The following PARD3B variants were observed in gnomAD, a reference collection of about 807,000 sequenced individuals.
The protein encoded by PARD3B is par-3 family cell polarity regulator beta.
Under a neutral mutation model 130.2 loss-of-function variants are expected in PARD3B, and 103 were observed. That is an observed-to-expected ratio of 0.79 (90% confidence interval 0.67 to 0.93). The LOEUF is 0.93. Among genes scored for constraint, PARD3B ranks in the 40% least tolerant of loss-of-function variants. The pLI is 0.00. For synonymous variants in PARD3B, 583 were observed against 553.2 expected (o/e 1.05, Z -0.76); for missense variants, 1,609 against 1,499.2 (o/e 1.07, Z -1.21).
At chr2:204,854,176 T>C (rs1298332384) in intron 2 of PARD3B, among the ~76,000 whole-genome samples, 2 of 151,676 alleles carry the variant, frequency 1.3e-5, no homozygotes, top group African/African-American at 4.8e-5. Flanking sequence ...GAGGGGTAGG[T>C]GGAAAGGAAC....
intron 4 of PARD3B, among the ~76,000 whole-genome samples, chr2:205,069,985 C>A (rs894950957): frequency 6.6e-6 from 1 of 152,130 alleles, no homozygotes; most frequent in African/African-American, 2.4e-5. Flanking sequence ...TCCTGTGATA[C>A]CCCACCCTTG....
At chr2:205,272,537 T>TA (rs911822196) in intron 16 of PARD3B, among the ~76,000 whole-genome samples, 2 of 152,136 alleles carry the variant, frequency 1.3e-5, no homozygotes, top group African/African-American at 2.4e-5. Flanking sequence ...GTGGCTTAAC[T>TA]AAAAAAAGGG....
chr2:205,525,560 G>A lies in PARD3B; in HGVS notation c.3180+25529G>A, dbSNP rs945667406. 2.6e-5 allele frequency among the ~76,000 whole-genome samples: 4 copies of A among 152,134 alleles called. No individual in the cohort carries two copies. The highest frequency in any genetic ancestry group is 5.9e-5 in the Non-Finnish European group (4 of 68,036). ...CAAAGTTCCTGCTATAAACATAGGGGTATTGGTTGCATGACTTTATTAGCT... is the reference window on the plus strand; with the variant it reads ...CAAAGTTCCTGCTATAAACATAGGGATATTGGTTGCATGACTTTATTAGCT... On this transcript the variant is annotated intron_variant, in intron 21 of 22. Transcript: ENST00000406610. This position sits in a 1 kb window ranked among gnomAD's most constrained non-coding sequence, Gnocchi z 4.2.
At chr2:204,982,458 A>G (rs1692757951) in intron 3 of PARD3B, among the ~76,000 whole-genome samples, 1 of 152,188 alleles carries the variant, frequency 6.6e-6, no homozygotes, top group East Asian at 1.9e-4. Context: ...CAAGTTAAGC[A>G]CACAAGTACA....
rs899414633 is a variant in PARD3B at position 205,231,998 on chromosome 2, T to C, written c.2141-13780T>C. On this transcript the variant is annotated intron_variant, in intron 15 of 22. Transcript: ENST00000406610. ...ATTGGAGAAAATATCTCATAATCCG[T>C]AGGACATTGGATAAGGTATGCAAGA... 4.6e-5 allele frequency among the ~76,000 whole-genome samples: 7 copies of C among 152,316 alleles called. No homozygotes were observed. In the South Asian group the frequency reaches 8.3e-4, roughly 18 times the overall value.
At chr2:205,234,061 G>A (rs748879364) in intron 15 of PARD3B, among the ~76,000 whole-genome samples, 1 of 152,102 alleles carries the variant, frequency 6.6e-6, no homozygotes, top group South Asian at 2.1e-4. Flanking sequence ...AGAACAGATA[G>A]GACAACAGCA....
intron 21 of PARD3B, among the ~76,000 whole-genome samples, chr2:205,521,598 C>G (rs2051062690): frequency 6.6e-6 from 1 of 151,916 alleles, no homozygotes. Flanking sequence ...TGAATAGACT[C>G]TAATGTTGAA....
At chr2:205,224,328 A>G (rs1392011447) in intron 15 of PARD3B, among the ~76,000 whole-genome samples, 1 of 128,310 alleles carries the variant, frequency 7.8e-6, no homozygotes, top group African/African-American at 3.0e-5. Context: ...CGGAGACAGC[A>G]CCACTGCACT....
intron 6 of PARD3B, among the ~76,000 whole-genome samples, chr2:205,118,176 T>A (rs1177997357): frequency 6.6e-6 from 1 of 152,186 alleles, no homozygotes; most frequent in Non-Finnish European, 1.5e-5. Context: ...TCCATCAGAT[T>A]AAGTTCATTG....
intron 2 of PARD3B, among the ~76,000 whole-genome samples, chr2:204,802,057 A>G (rs1163516843): frequency 6.6e-6 from 1 of 152,200 alleles, no homozygotes; most frequent in Non-Finnish European, 1.5e-5. Flanking sequence ...GATGAAGCCA[A>G]CTTGATTGTA....
At chr2:205,147,508 A>C (rs1343567854) in intron 10 of PARD3B, among the ~76,000 whole-genome samples, 1 of 152,188 alleles carries the variant, frequency 6.6e-6, no homozygotes, top group Non-Finnish European at 1.5e-5. Flanking sequence ...TATTAGATTA[A>C]TCCTTTACTT....
chr2:205,213,090 T>C (rs2037730539), intron 15 of PARD3B, among the ~76,000 whole-genome samples: 1 of 152,118 alleles, frequency 6.6e-6, no homozygotes, highest in Non-Finnish European at 1.5e-5. Flanking sequence ...TATGGCTGTT[T>C]CAAATAAGGC....
intron 20 of PARD3B, among the ~76,000 whole-genome samples, chr2:205,467,985 G>A (rs1397853255): frequency 2.0e-5 from 3 of 152,184 alleles, no homozygotes; most frequent in Non-Finnish European, 2.9e-5. Flanking sequence ...CTAGAAAAAT[G>A]TTCCCCACAT....
At chr2:204,732,561 G>A (rs1358691116) in intron 2 of PARD3B, among the ~76,000 whole-genome samples, 1 of 149,534 alleles carries the variant, frequency 6.7e-6, no homozygotes, top group Non-Finnish European at 1.5e-5. Flanking sequence ...CTGGAGTGCA[G>A]TGGTGCAATC....
At chr2:204,682,592 T>G (rs979545310) in intron 1 of PARD3B, among the ~76,000 whole-genome samples, 1 of 152,228 alleles carries the variant, frequency 6.6e-6, no homozygotes, top group African/African-American at 2.4e-5. Flanking sequence ...GTAAAAACAT[T>G]AAGCCACCAG....
intron 1 of PARD3B, among the ~76,000 whole-genome samples, chr2:204,614,067 C>T (rs1324046917): frequency 1.3e-5 from 2 of 151,700 alleles, no homozygotes; most frequent in African/African-American, 4.8e-5. Context: ...TTAACTGATT[C>T]GTGTCTCTAT....
intron 20 of PARD3B, among the ~76,000 whole-genome samples, chr2:205,490,792 G>A (rs1037415970): frequency 4.6e-5 from 7 of 152,172 alleles, no homozygotes; most frequent in South Asian, 4.2e-4. Context: ...TGACTTTTTA[G>A]TGATCGCCAT....
chr2:205,438,150 A>G (rs1334871370), intron 19 of PARD3B, among the ~76,000 whole-genome samples: 1 of 152,176 alleles, frequency 6.6e-6, no homozygotes, highest in African/African-American at 2.4e-5. Context: ...TGAAACACTC[A>G]CTGGTGCAGA....
rs1358722406 is a variant in PARD3B, at chr2:205,616,740, G to A, written c.*927G>A. The stretch of plus-strand genomic sequence containing the variant: ...TGAGGGCTAAAATGTAGTTGGGAAA[G>A]AGGGCCTACTGGGGAGGTCTCACAG... On this transcript the variant is annotated 3_prime_UTR_variant, in exon 23 of 23. Transcript: ENST00000406610. The A allele has an allele frequency of 6.6e-6, 1 of 152,338 alleles. No homozygotes were observed. Among genetic ancestry groups the A allele is most frequent in the African/African-American group, 2.4e-5 (1 of 41,426 alleles). The allele number at this position is 152,338 out of a possible 1,614,324, so 9.4% of individuals were successfully genotyped here.
Sources: allele counts gnomAD v4.1 joint callset (sites outside exome capture counted in the v4.1 genomes callset), GRCh38; gene constraint gnomAD v4.1.1; non-coding constraint Gnocchi (gnomAD v3.1); transcripts MANE v1.5; gene names NCBI Gene and HGNC (gene_info 2026-07-23, HGNC 2026-07-21).